The following DAB1 variants were observed in gnomAD, a reference collection of about 807,000 sequenced individuals.
The protein encoded by DAB1 is disabled homolog 1.
DAB1 carries 15 observed loss-of-function variants against 64.6 expected under a neutral mutation model. That is an observed-to-expected ratio of 0.23 (90% CI 0.16 to 0.36). The LOEUF is 0.36. DAB1 is among the 10% of genes least tolerant of loss of function. The pLI is 1.00. For synonymous variants in DAB1, 235 were observed against 251.9 expected, an observed-to-expected ratio of 0.93 and a Z score of 0.64; for missense variants, 596 against 706.7, an observed-to-expected ratio of 0.84 and a Z score of 1.78.
At chr1:58,313,865 G>C (rs111402488) in intron 4 of DAB1, among the ~76,000 whole-genome samples, 26 of 151,396 alleles carry the variant, frequency 1.7e-4, no homozygotes, top group African/African-American at 6.3e-4. Flanking sequence ...GTGAGAGAGA[G>C]AGAGAGAGAG....
At chr1:58,078,752 T>A (rs1557640738) in intron 5 of DAB1, among the ~76,000 whole-genome samples, 1 of 152,204 alleles carries the variant, frequency 6.6e-6, no homozygotes, top group Admixed American at 6.5e-5. Context: ...TAATGCCAAA[T>A]CACTTCACCC....
intron 3 of DAB1, among the ~76,000 whole-genome samples, chr1:58,461,089 G>A (rs1645238964): frequency 6.6e-6 from 1 of 152,068 alleles, no homozygotes; most frequent in Non-Finnish European, 1.5e-5. Context: ...AGTGGGCTGG[G>A]TACTTAAAAG....
At chr1:57,860,574 T>C (rs940105647) in intron 1 of DAB1, 1 of 152,276 alleles carries the variant, frequency 6.6e-6, no homozygotes, top group Non-Finnish European at 1.5e-5. Flanking sequence ...ATCATAATGG[T>C]TCTTTTGCCA....
intron 3 of DAB1, among the ~76,000 whole-genome samples, chr1:58,413,613 C>A (rs1248243053): frequency 6.6e-6 from 1 of 152,122 alleles, no homozygotes; most frequent in African/African-American, 2.4e-5. Flanking sequence ...TGCTAACAGT[C>A]CAGGGTGCTG....
intron 3 of DAB1, among the ~76,000 whole-genome samples, chr1:58,412,391 T>C (rs1358425972): frequency 6.6e-6 from 1 of 152,218 alleles, no homozygotes; most frequent in Non-Finnish European, 1.5e-5. Flanking sequence ...TTAAGCTGCT[T>C]TGAGTTGGGT....
Position 58,518,339 on chromosome 1 carries a change from AGAAGAGAAGAGAAGG to A in DAB1, n.107+8907_107+8921del, listed in dbSNP as rs1212938696. Among the ~76,000 whole-genome samples, 116 of 97,854 alleles carry A rather than the reference AGAAGAGAAGAGAAGG, an allele frequency of 1.2e-3. 27 individuals carry two copies. The highest frequency in any genetic ancestry group is 2.9e-3 in the East Asian group (9 of 3,098). 64.2% of individuals were successfully genotyped at this position (97,854 alleles called of 152,430 possible). ...AGAAGAGAAGAGAAGAGAAGAGAAGAGAAGAGAAGAGAAGGGAAGGGAAGAGAAGAGAAGGGAAGA... is the reference window on the plus strand; with the variant it reads ...AGAAGAGAAGAGAAGAGAAGAGAAGAGAAGGGAAGAGAAGAGAAGGGAAGA... On this transcript the variant is annotated intron_variant and non_coding_transcript_variant, in intron 2 of 20. Coordinates refer to the DAB1 transcript ENST00000485760.
At chr1:57,548,740 T>G (rs1263175207) in intron 7 of DAB1, among the ~76,000 whole-genome samples, 4 of 152,194 alleles carry the variant, frequency 2.6e-5, no homozygotes, top group Non-Finnish European at 5.9e-5. Flanking sequence ...GGTACGGCAC[T>G]GGGCCTACCA....
chr1:58,458,830 CAAAA>C (rs763488719), intron 3 of DAB1, among the ~76,000 whole-genome samples: 6 of 143,062 alleles, frequency 4.2e-5, no homozygotes, highest in African/African-American at 1.0e-4. Flanking sequence ...AACAAACAAA[CAAAA>C]AAAAAAAACG....
At chr1:58,509,303 G>C (rs749842724) in intron 2 of DAB1, among the ~76,000 whole-genome samples, 1 of 151,440 alleles carries the variant, frequency 6.6e-6, no homozygotes, top group South Asian at 2.1e-4. Flanking sequence ...AACAATGTAC[G>C]AACAAAGTGA....
chr1:57,642,547 A>G (rs1338075790), intron 7 of DAB1, among the ~76,000 whole-genome samples: 1 of 152,086 alleles, frequency 6.6e-6, no homozygotes, highest in African/African-American at 2.4e-5. Flanking sequence ...CTCAAGCCCC[A>G]ATCTTCTCTT....
intron 5 of DAB1, among the ~76,000 whole-genome samples, chr1:58,069,875 T>C (rs933916574): frequency 1.3e-5 from 2 of 152,194 alleles, no homozygotes; most frequent in Non-Finnish European, 2.9e-5. Flanking sequence ...ACACCTATGC[T>C]TTTTTCATTA....
At chr1:57,047,607 C>T (rs752139962) in intron 9 of DAB1, among the ~76,000 whole-genome samples, 12 of 152,210 alleles carry the variant, frequency 7.9e-5, no homozygotes, top group East Asian at 1.9e-4. Flanking sequence ...GAATGGAGTC[C>T]GCTAGCACCT....
At chr1:58,493,287 A>G (rs1364028603) in intron 3 of DAB1, among the ~76,000 whole-genome samples, 2 of 152,246 alleles carry the variant, frequency 1.3e-5, no homozygotes, top group Admixed American at 1.3e-4. Flanking sequence ...AGAGCTATTT[A>G]TGACAAACTC....
chr1:58,105,617 T>C (rs1651587410), intron 5 of DAB1, among the ~76,000 whole-genome samples: 1 of 152,206 alleles, frequency 6.6e-6, no homozygotes, highest in South Asian at 2.1e-4. Flanking sequence ...TCGATGATGA[T>C]ACATACCTGC....
At chr1:58,076,466 A>G (rs1237470329) in intron 5 of DAB1, among the ~76,000 whole-genome samples, 2 of 152,266 alleles carry the variant, frequency 1.3e-5, no homozygotes, top group Non-Finnish European at 2.9e-5. Context: ...GTGGAAATCC[A>G]TGTCTAGTAT....
At chr1:58,039,036 C>T (rs1330675902) in intron 5 of DAB1, among the ~76,000 whole-genome samples, 3 of 152,124 alleles carry the variant, frequency 2.0e-5, no homozygotes, top group African/African-American at 7.2e-5. Flanking sequence ...CCCACTAAGC[C>T]CCGACTCTGT....
At position 58,068,094 on chromosome 1, in the gene DAB1, G is replaced by C. The variant is rs116087663; in HGVS notation, n.387+82417C>G. 5.1e-3 allele frequency among the ~76,000 whole-genome samples: 782 copies of C among 152,322 alleles called. 10 individuals carry two copies. The highest frequency in any genetic ancestry group is 0.018 in the African/African-American group (746 of 41,558). Reference sequence around the variant, plus strand: ...GGAGAGGGACAAGTTTTCTATGTGAGACTCCAAAGAAGGTAAAATTCAGGG... The same window carrying C: ...GGAGAGGGACAAGTTTTCTATGTGACACTCCAAAGAAGGTAAAATTCAGGG... On this transcript the variant is annotated intron_variant and non_coding_transcript_variant, in intron 5 of 20. Coordinates refer to the DAB1 transcript ENST00000485760.
At chr1:57,834,846 T>C (rs1336293314) in intron 1 of DAB1, among the ~76,000 whole-genome samples, 1 of 152,154 alleles carries the variant, frequency 6.6e-6, no homozygotes, top group Non-Finnish European at 1.5e-5. Flanking sequence ...AGGCCAACCT[T>C]GTCCTCCTGT....
chr1:57,812,017 G>T (rs1255019617), intron 6 of DAB1, among the ~76,000 whole-genome samples: 1 of 151,982 alleles, frequency 6.6e-6, no homozygotes, highest in African/African-American at 2.4e-5. Context: ...GAATAATATT[G>T]GTTCCCACCT....
Sources: allele counts gnomAD v4.1 joint callset (sites outside exome capture counted in the v4.1 genomes callset), GRCh38; gene constraint gnomAD v4.1.1; transcripts MANE v1.5; gene names NCBI Gene and HGNC (gene_info 2026-07-23, HGNC 2026-07-21).